Variants in MACC1 observed in about 807,000 individuals in gnomAD.
MACC1 encodes the protein metastasis-associated in colon cancer protein 1.
In MACC1, 79 loss-of-function variants were observed where a neutral mutation model predicts 70.7. The observed-to-expected ratio is 1.12, with a 90% CI of 0.93 to 1.35. MACC1 has a LOEUF of 1.35. Among genes scored for constraint, MACC1 ranks in the 40% most tolerant of loss-of-function variants. MACC1 has a pLI of 0.00. For synonymous variants in MACC1, 361 were observed against 347.2 expected (o/e 1.04, Z -0.44); for missense variants, 1,106 against 978.1 (o/e 1.13, Z -1.74).
chr7:20,191,945 A>T (rs1455488351), intron 1 of MACC1, among the ~76,000 whole-genome samples: 2 of 152,202 alleles, frequency 1.3e-5, no homozygotes, highest in African/African-American at 4.8e-5. Flanking sequence ...TGGAAATTTG[A>T]TATCCGTTTT....
At chr7:20,211,227 T>C (rs181271665) in intron 1 of MACC1, among the ~76,000 whole-genome samples, 1 of 152,182 alleles carries the variant, frequency 6.6e-6, no homozygotes, top group East Asian at 1.9e-4. Flanking sequence ...TCTTCATCTC[T>C]AAAAGAGGTA....
chr7:20,198,581 A>G (rs1463721155), intron 1 of MACC1: 1 of 152,242 alleles, frequency 6.6e-6, no homozygotes, highest in African/African-American at 2.4e-5. Context: ...TTGTATCTTG[A>G]TAAGCTCCTG....
chr7:20,159,872 G>T lies in MACC1; in HGVS notation c.489C>A (p.Ile163=). ...TAAGCCACTCTAAGTCGTGTAGTAG[G>T]ATCTGGTCAGAGTTATGTATACTCT... ...AHQSIHNSDQ[I]LLHDLEWLKN... Residue 163 remains isoleucine (I), a synonymous_variant, in exon 5 of 7, where the codon ATC becomes ATA. Transcript: ENST00000400331. 1 of 1,614,098 alleles carries T rather than the reference G, an allele frequency of 6.2e-7. No individual in the cohort carries two copies. Among genetic ancestry groups the T allele is most frequent in the South Asian group, 1.1e-5 (1 of 91,072 alleles).
chr7:20,149,636 C>G (rs1353170198), intron 6 of MACC1, among the ~76,000 whole-genome samples: 3 of 152,168 alleles, frequency 2.0e-5, no homozygotes, highest in South Asian at 2.1e-4. Flanking sequence ...TCCATTGATA[C>G]CAACATATGT....
rs1781702291 is a variant in MACC1, at chr7:20,135,068, T to C, written c.*5878A>G. 1 of 152,336 alleles carries C rather than the reference T, an allele frequency of 6.6e-6. No individual in the cohort carries two copies. The highest frequency in any genetic ancestry group is 2.1e-4 in the South Asian group (1 of 4,826). 9.4% of individuals were successfully genotyped at this position (152,336 alleles called of 1,614,324 possible). ...GATCACATTGATTAAAAACATTTTT[T>C]TCAATGGGAAAAAATACATTTAACA... On this transcript the variant is annotated 3_prime_UTR_variant, in exon 7 of 7. Coordinates refer to ENST00000400331, the MANE Select transcript of MACC1 (RefSeq NM_182762.4).
chr7:20,179,888 C>T (rs1270114118), intron 1 of MACC1, among the ~76,000 whole-genome samples: 1 of 152,128 alleles, frequency 6.6e-6, no homozygotes, highest in East Asian at 1.9e-4. Context: ...TCTGTGAATT[C>T]AATCACCTTA....
At chr7:20,192,932 A>G (rs7778840) in intron 1 of MACC1, among the ~76,000 whole-genome samples, 100,582 of 152,098 alleles carry the variant, frequency 0.66, 34,630 homozygotes, top group East Asian at 1. Context: ...TCTGACACCA[A>G]GTGATCTTAT....
Position 20,159,937 on chromosome 7 carries a change from C to T in MACC1, c.424G>A (p.Glu142Lys), listed in dbSNP as rs372365341. 47 of 1,614,120 alleles carry T rather than the reference C, an allele frequency of 2.9e-5. No homozygotes were observed. The highest frequency in any genetic ancestry group is 3.8e-5 in the Non-Finnish European group (45 of 1,180,024). Residue 142 changes from glutamate (E) to lysine (K), a missense_variant, in exon 5 of 7, where the codon GAA (glutamate) becomes AAA (lysine). Physicochemically the swap from Glu to Lys is moderately conservative, Grantham distance 56 (BLOSUM62 1). Coordinates refer to ENST00000400331, the MANE Select transcript of MACC1 (RefSeq NM_182762.4). ...RNSGRSKSVSELLDILDDTAH... is the reference protein window; with the variant it reads ...RNSGRSKSVSKLLDILDDTAH... ...GTGTCGTCTAAAATGTCCAGAAGTT[C>T]TGAAACACTTTTAGATCTTCCAGAA...
At chr7:20,206,904 C>A (rs1395294883) in intron 1 of MACC1, among the ~76,000 whole-genome samples, 2 of 152,216 alleles carry the variant, frequency 1.3e-5, no homozygotes, top group African/African-American at 4.8e-5. Context: ...TCCGGCCCCC[C>A]AGTCACTGTT....
intron 6 of MACC1, among the ~76,000 whole-genome samples, chr7:20,143,310 C>A (rs532461418): frequency 6.6e-6 from 1 of 152,218 alleles, no homozygotes; most frequent in African/African-American, 2.4e-5. Flanking sequence ...AAAGGTCCGA[C>A]GACACATCTA....
chr7:20,188,112 C>T (rs1244370790), intron 1 of MACC1, among the ~76,000 whole-genome samples: 1 of 152,152 alleles, frequency 6.6e-6, no homozygotes, highest in African/African-American at 2.4e-5. Context: ...CCTGACAACT[C>T]ACTCACTATC....
chr7:20,178,191 A>G (rs1368617527), intron 1 of MACC1, among the ~76,000 whole-genome samples: 2 of 152,182 alleles, frequency 1.3e-5, no homozygotes, highest in Non-Finnish European at 2.9e-5. Context: ...AAAACAAAAA[A>G]TGATCATAAA....
rs191549586 is a variant in MACC1, at chr7:20,157,754, G to A, written c.2157+450C>T. On this transcript the variant is annotated intron_variant, in intron 5 of 6. Transcript: ENST00000400331. ...TGCACTCCAGCCTGGGCAACAGACC[G>A]AGACTTTGTCTCAAAAAAAAAAAAA... 6.6e-3 allele frequency among the ~76,000 whole-genome samples: 874 copies of A among 131,564 alleles called. 5 individuals carry two copies. The highest frequency in any genetic ancestry group is 0.01 in the Non-Finnish European group (664 of 64,340). The allele number at this position is 131,564 out of a possible 152,430, so 86.3% of individuals were successfully genotyped here.
chr7:20,146,955 T>C (rs1781901146), intron 6 of MACC1, among the ~76,000 whole-genome samples: 1 of 152,184 alleles, frequency 6.6e-6, no homozygotes, highest in African/African-American at 2.4e-5. Flanking sequence ...CACAAAGTTG[T>C]TAATTTTCAT....
intron 1 of MACC1, among the ~76,000 whole-genome samples, chr7:20,193,642 T>C (rs1443517171): frequency 6.6e-6 from 1 of 152,216 alleles, no homozygotes; most frequent in Non-Finnish European, 1.5e-5. Context: ...ACTAAGGGAA[T>C]GACTGCCATG....
At chr7:20,174,014 G>T (rs1466018235) in intron 1 of MACC1, among the ~76,000 whole-genome samples, 1 of 152,212 alleles carries the variant, frequency 6.6e-6, no homozygotes, top group African/African-American at 2.4e-5. Flanking sequence ...TAAGTTCATG[G>T]ATGGTTAGTT....
At chr7:20,209,180 C>G (rs1034443825) in intron 1 of MACC1, among the ~76,000 whole-genome samples, 1 of 152,240 alleles carries the variant, frequency 6.6e-6, no homozygotes, top group Non-Finnish European at 1.5e-5. Context: ...CACACATAGT[C>G]CGCTCTGGGG....
chr7:20,142,634 G>T (rs371539942), intron 6 of MACC1, among the ~76,000 whole-genome samples: 4 of 152,232 alleles, frequency 2.6e-5, no homozygotes, highest in South Asian at 2.1e-4. Context: ...AAGTACAATT[G>T]CCACTAGTTT....
intron 1 of MACC1, among the ~76,000 whole-genome samples, chr7:20,200,643 C>A (rs1782820574): frequency 6.6e-6 from 1 of 152,226 alleles, no homozygotes; most frequent in South Asian, 2.1e-4. Context: ...ACCATCAGCA[C>A]CTGATTTCTT....
Sources: allele counts gnomAD v4.1 joint callset (sites outside exome capture counted in the v4.1 genomes callset), GRCh38; gene constraint gnomAD v4.1.1; transcripts MANE v1.5; gene names NCBI Gene and HGNC (gene_info 2026-07-23, HGNC 2026-07-21).